AGMO: variants seen among roughly 807,000 people sequenced by gnomAD.
AGMO encodes glyceryl-ether monooxygenase.
AGMO carries 75 observed loss-of-function variants against 60.2 expected under a neutral mutation model. The observed-to-expected ratio is 1.25, with a 90% confidence interval of 1.03 to 1.51. The LOEUF is 1.51. Among genes scored for constraint, AGMO ranks in the 40% most tolerant of loss-of-function variants. The pLI, the probability that AGMO is intolerant of heterozygous loss-of-function variation, is 0.00. For missense variants in AGMO, 763 were observed against 525.5 expected (o/e 1.45, Z -4.42); for synonymous variants, 261 against 177.1 (o/e 1.47, Z -3.76).
chr7:15,314,530 C>G (rs1038734295), intron 12 of AGMO, among the ~76,000 whole-genome samples: 83 of 152,230 alleles, frequency 5.5e-4, no homozygotes, highest in African/African-American at 1.8e-3. Context: ...AAAAGTTTAA[C>G]TGGATTTTCC....
chr7:15,467,413 A>G (rs1782323252), intron 3 of AGMO, among the ~76,000 whole-genome samples: 1 of 152,234 alleles, frequency 6.6e-6, no homozygotes, highest in Admixed American at 6.5e-5. Flanking sequence ...TTCTGACAAT[A>G]TAATTAGTTA....
chr7:15,250,162 C>A (rs1229945938), intron 12 of AGMO, among the ~76,000 whole-genome samples: 1 of 152,068 alleles, frequency 6.6e-6, no homozygotes, highest in South Asian at 2.1e-4. Flanking sequence ...TGTTGGCTGA[C>A]CCAAGCTCCC....
chr7:15,326,551 C>A (rs1781344669), intron 12 of AGMO, among the ~76,000 whole-genome samples: 1 of 152,158 alleles, frequency 6.6e-6, no homozygotes. Context: ...GTTATTCCAG[C>A]TCCTCTTGCC....
At chr7:15,365,248 T>A (rs1782924497) in intron 12 of AGMO, among the ~76,000 whole-genome samples, 2 of 151,856 alleles carry the variant, frequency 1.3e-5, no homozygotes, top group Admixed American at 1.3e-4. Flanking sequence ...GATTTCTTTA[T>A]AAAGGTTGTG....
At chr7:15,504,077 T>A (rs1273337278) in intron 3 of AGMO, among the ~76,000 whole-genome samples, 1 of 151,988 alleles carries the variant, frequency 6.6e-6, no homozygotes, top group Non-Finnish European at 1.5e-5. Context: ...AACTTAGTCA[T>A]CCAATTAATA....
intron 5 of AGMO, among the ~76,000 whole-genome samples, chr7:15,400,658 A>G (rs1370502594): frequency 6.6e-6 from 1 of 152,172 alleles, no homozygotes; most frequent in East Asian, 1.9e-4. Context: ...AAGTCCGAGC[A>G]TGATCTTTGA....
chr7:15,218,508 G>C (rs1038758165), intron 12 of AGMO, among the ~76,000 whole-genome samples: 1 of 151,662 alleles, frequency 6.6e-6, no homozygotes, highest in East Asian at 1.9e-4. Context: ...TGGTTGAAGG[G>C]AGTGGGCTTC....
intron 12 of AGMO, among the ~76,000 whole-genome samples, chr7:15,254,724 G>C (rs1783045956): frequency 6.6e-6 from 1 of 150,396 alleles, no homozygotes; most frequent in Non-Finnish European, 1.5e-5. Flanking sequence ...AAAGAAAATA[G>C]ACAAACCTTT....
downstream of AGMO, among the ~76,000 whole-genome samples, chr7:15,195,548 T>A (rs1020702035): frequency 2.6e-5 from 4 of 152,222 alleles, no homozygotes; most frequent in South Asian, 2.1e-4. Context: ...CGCCATGTTG[T>A]CTGCTCCTTA....
At chr7:15,139,857 G>C in the AGMO span, among the ~76,000 whole-genome samples, 3 of 147,546 alleles carry the variant, frequency 2.0e-5, no homozygotes, top group South Asian at 6.4e-4. Flanking sequence ...CAGTATGTAA[G>C]TTAGTGGTGA....
chr7:15,518,532 G>T (rs1009315899), intron 3 of AGMO, among the ~76,000 whole-genome samples: 5 of 152,298 alleles, frequency 3.3e-5, no homozygotes, highest in Admixed American at 2.6e-4. Context: ...GGCAAACAGG[G>T]TCTGGAGTGG....
intron 12 of AGMO, among the ~76,000 whole-genome samples, chr7:15,313,574 A>G (rs946747953): frequency 4.6e-5 from 7 of 152,120 alleles, no homozygotes; most frequent in Admixed American, 1.3e-4. Flanking sequence ...AATGTGATTC[A>G]GTAAAGAAAT....
chr7:15,436,201 T>A (rs1200580286), intron 3 of AGMO, among the ~76,000 whole-genome samples: 1 of 152,220 alleles, frequency 6.6e-6, no homozygotes, highest in African/African-American at 2.4e-5. Context: ...ACAGAAGAGC[T>A]ATGCCTTAGT....
intron 12 of AGMO, among the ~76,000 whole-genome samples, chr7:15,215,337 G>A (rs1346474858): frequency 6.6e-6 from 1 of 151,896 alleles, no homozygotes; most frequent in Non-Finnish European, 1.5e-5. Context: ...ACATGTATGT[G>A]GAAATTTTAT....
intron 10 of AGMO, among the ~76,000 whole-genome samples, chr7:15,368,955 T>G (rs940836099): frequency 1.6e-4 from 24 of 152,096 alleles, no homozygotes; most frequent in African/African-American, 5.8e-4. Context: ...TTGGCATGAC[T>G]AAAACACTGC....
chr7:15,186,517 G>A, the AGMO span, among the ~76,000 whole-genome samples: 2 of 152,162 alleles, frequency 1.3e-5, no homozygotes, highest in Non-Finnish European at 2.9e-5. Context: ...TGCAAAGAAT[G>A]AGTAGGAAGA....
intron 3 of AGMO, among the ~76,000 whole-genome samples, chr7:15,462,610 T>C (rs1344928610): frequency 6.6e-6 from 1 of 152,196 alleles, no homozygotes; most frequent in Non-Finnish European, 1.5e-5. Context: ...TAGATCTATA[T>C]CTGCCCTAAA....
At chr7:15,558,952 G>T (rs1027115866) in intron 2 of AGMO, among the ~76,000 whole-genome samples, 1 of 152,202 alleles carries the variant, frequency 6.6e-6, no homozygotes, top group South Asian at 2.1e-4. Flanking sequence ...TGGGTGGGAA[G>T]CTGGAATGAG....
chr7:15,412,906 T>G (rs1040796440), intron 5 of AGMO, among the ~76,000 whole-genome samples: 1 of 151,860 alleles, frequency 6.6e-6, no homozygotes, highest in Non-Finnish European at 1.5e-5. Flanking sequence ...GAATCTAGAG[T>G]CTTTACAACA....
Sources: allele counts gnomAD v4.1 joint callset (sites outside exome capture counted in the v4.1 genomes callset), GRCh38; gene constraint gnomAD v4.1.1; transcripts MANE v1.5; gene names NCBI Gene and HGNC (gene_info 2026-07-23, HGNC 2026-07-21).